Variants in CCDC149 observed in about 807,000 individuals in gnomAD.
The protein encoded by CCDC149 is coiled-coil domain-containing protein 149.
In CCDC149, 45 loss-of-function variants were observed where a neutral mutation model predicts 59.9. The observed-to-expected ratio is 0.75, with a 90% CI of 0.59 to 0.96. CCDC149 has a LOEUF of 0.96. Among genes scored for constraint, CCDC149 ranks in the 40% least tolerant of loss-of-function variants. CCDC149 has a pLI of 0.00. For missense variants in CCDC149, 584 were observed against 664.7 expected (o/e 0.88, Z 1.33); for synonymous variants, 245 against 260.6 (o/e 0.94, Z 0.58).
intron 1 of CCDC149, among the ~76,000 whole-genome samples, chr4:24,933,782 G>A (rs1399477831): frequency 6.6e-6 from 1 of 152,202 alleles, no homozygotes; most frequent in African/African-American, 2.4e-5. Flanking sequence ...CAATTGCCAT[G>A]TAACAAACTA....
At chr4:24,820,416 TGA>T (rs1209014476) in intron 11 of CCDC149, among the ~76,000 whole-genome samples, 1 of 152,050 alleles carries the variant, frequency 6.6e-6, no homozygotes, top group African/African-American at 2.4e-5. Flanking sequence ...TGTTGGTAAA[TGA>T]GAGAGAGTTG....
intron 1 of CCDC149, among the ~76,000 whole-genome samples, chr4:24,889,781 G>A (rs1720421285): frequency 6.6e-6 from 1 of 152,156 alleles, no homozygotes; most frequent in African/African-American, 2.4e-5. Context: ...TGGTCAGACT[G>A]ACTTTAAAAG....
chr4:24,872,968 G>A (rs1274156911), intron 3 of CCDC149, among the ~76,000 whole-genome samples: 1 of 79,104 alleles, frequency 1.3e-5, no homozygotes, highest in Non-Finnish European at 3.0e-5. Flanking sequence ...TGAATGGTAT[G>A]CACCCGCAGA....
chr4:24,899,973 A>G (rs1285951340), intron 1 of CCDC149, among the ~76,000 whole-genome samples: 2 of 152,138 alleles, frequency 1.3e-5, no homozygotes, highest in Non-Finnish European at 2.9e-5. Context: ...CCTTCTGTCT[A>G]GAACACCCTT....
chr4:24,954,273 T>C (rs950433218), intron 1 of CCDC149, among the ~76,000 whole-genome samples: 4 of 152,208 alleles, frequency 2.6e-5, no homozygotes, highest in Non-Finnish European at 4.4e-5. Flanking sequence ...GCTTCATGCA[T>C]TGAAGTCATA....
intron 1 of CCDC149, among the ~76,000 whole-genome samples, chr4:24,950,404 G>A (rs1263463685): frequency 2.0e-5 from 3 of 152,212 alleles, no homozygotes; most frequent in Non-Finnish European, 2.9e-5. Context: ...CAGAGTAAGC[G>A]CAATGCAAAT....
Position 24,873,723 on chromosome 4 carries a change from C to T in CCDC149, c.226-4G>A, listed in dbSNP as rs1203841356. On this transcript the variant is annotated splice_polypyrimidine_tract_variant and splice_region_variant and intron_variant, in intron 2 of 12. Transcript: ENST00000635206. ...GAGGAAGTGATGGATCTCCATCCTA[C>T]AAAGAAACAAATGCTGCATTTTACT... 6.2e-7 allele frequency: 1 copy of T among 1,604,946 alleles called. No homozygotes were observed. The highest frequency in any genetic ancestry group is 2.2e-5 in the East Asian group (1 of 44,798).
At chr4:24,836,552 T>TA (rs1716538184) in intron 6 of CCDC149, 44 bp from the exon 7 acceptor site, 1 of 1,293,186 alleles carries the variant, frequency 7.7e-7, no homozygotes, top group African/African-American at 1.5e-5. Context: ...AAGGGCTAAA[T>TA]AAAAAACACA....
intron 1 of CCDC149, among the ~76,000 whole-genome samples, chr4:24,947,021 A>G (rs1419833998): frequency 6.6e-6 from 1 of 152,202 alleles, no homozygotes; most frequent in Non-Finnish European, 1.5e-5. Context: ...TCTGCCCAGG[A>G]AAACAGGTTC....
intron 1 of CCDC149, among the ~76,000 whole-genome samples, chr4:24,900,341 C>T (rs1721094373): frequency 6.6e-6 from 1 of 152,226 alleles, no homozygotes; most frequent in Non-Finnish European, 1.5e-5. Flanking sequence ...AATGGTGGCT[C>T]TCTCCTGACA....
intron 3 of CCDC149, among the ~76,000 whole-genome samples, chr4:24,860,716 C>T (rs775153145): frequency 1.6e-4 from 24 of 152,114 alleles, no homozygotes; most frequent in African/African-American, 5.1e-4. Flanking sequence ...GACTAATATC[C>T]AGAATCTACA....
chr4:24,817,903 T>C (rs1439667018), intron 12 of CCDC149, among the ~76,000 whole-genome samples: 1 of 152,130 alleles, frequency 6.6e-6, no homozygotes, highest in African/African-American at 2.4e-5. Context: ...GTTGGAAAGG[T>C]AGGCTAGGCC....
At chr4:24,906,371 T>TTTTTTTATTTTATTTTATTTTA (rs1560249462) in intron 1 of CCDC149, among the ~76,000 whole-genome samples, 1 of 25,252 alleles carries the variant, frequency 4.0e-5, no homozygotes, top group African/African-American at 6.7e-5. Flanking sequence ...ACAAATTTTA[T>TTTTTTTATTTTATTTTATTTTA]TTTATTTTAT....
intron 1 of CCDC149, among the ~76,000 whole-genome samples, chr4:24,973,597 A>G (rs183394439): frequency 3.9e-4 from 59 of 152,326 alleles, no homozygotes; most frequent in Non-Finnish European, 7.2e-4. Context: ...AGTGAGGCCA[A>G]CCCAGAGGAT....
intron 1 of CCDC149, among the ~76,000 whole-genome samples, chr4:24,922,576 A>C (rs1346790204): frequency 1.3e-5 from 2 of 152,208 alleles, no homozygotes; most frequent in Non-Finnish European, 2.9e-5. Flanking sequence ...TGTTCATACA[A>C]TCAGTGGCTG....
At chr4:24,888,239 T>C (rs999044982) in intron 1 of CCDC149, among the ~76,000 whole-genome samples, 1 of 152,148 alleles carries the variant, frequency 6.6e-6, no homozygotes, top group Non-Finnish European at 1.5e-5. Context: ...ATTTAAGAAA[T>C]AAGTTTCAGT....
chr4:24,843,929 G>A (rs1308616824), intron 4 of CCDC149, among the ~76,000 whole-genome samples: 1 of 152,026 alleles, frequency 6.6e-6, no homozygotes, highest in Non-Finnish European at 1.5e-5. Context: ...TCCCTCCCTT[G>A]TCCGAAACAT....
At chr4:24,955,412 C>G (rs941529400) in intron 1 of CCDC149, among the ~76,000 whole-genome samples, 2 of 152,068 alleles carry the variant, frequency 1.3e-5, no homozygotes, top group Non-Finnish European at 2.9e-5. Flanking sequence ...ATTGACAACA[C>G]GTGAATTTTG....
chr4:24,851,315 T>TCAA (rs776122232), intron 4 of CCDC149, among the ~76,000 whole-genome samples: 15 of 152,292 alleles, frequency 9.8e-5, no homozygotes, highest in Middle Eastern at 3.4e-3. Flanking sequence ...CATGCTAGAG[T>TCAA]GCACTGGCAT....
Sources: gnomAD v4.1 joint callset for allele counts (sites outside exome capture counted in the v4.1 genomes callset) on GRCh38, gnomAD v4.1.1 for gene constraint, MANE v1.5 for transcripts, NCBI Gene and HGNC (gene_info 2026-07-23, HGNC 2026-07-21) for gene names.